CSMD1: variants seen among roughly 807,000 people sequenced by gnomAD.
The protein encoded by CSMD1 is CUB and sushi domain-containing protein 1.
In CSMD1, 213 loss-of-function variants were observed where a neutral mutation model predicts 417.5. The observed-to-expected ratio is 0.51, with a 90% confidence interval of 0.46 to 0.57. CSMD1 has a LOEUF of 0.57. Among genes scored for constraint, CSMD1 ranks in the 20% least tolerant of loss-of-function variants. The probability of loss-of-function intolerance (pLI) is 0.00; values close to 1 mark genes in which losing one functional copy is unlikely to be tolerated. For missense variants in CSMD1, 6,923 were observed against 4,529.7 expected, an observed-to-expected ratio of 1.53 and a Z score of -15.17; for synonymous variants, 2,862 against 1,736.8, an observed-to-expected ratio of 1.65 and a Z score of -16.11.
At chr8:4,173,615 G>C (rs1305980533) in intron 3 of CSMD1, among the ~76,000 whole-genome samples, 2 of 152,072 alleles carry the variant, frequency 1.3e-5, no homozygotes, top group South Asian at 2.1e-4. Context: ...TAGATACATA[G>C]CTTTGTGGAA....
Position 4,639,251 on chromosome 8 carries a change from A to ATTTT in CSMD1, c.86-1697_86-1694dup, listed in dbSNP as rs34704649. ...GCTAATTTGGTCCCTGTGGTTGTCA[A>ATTTT]TTTTTTTTTTTTTTTTTTGGTCTGT... On this transcript the variant is annotated intron_variant, in intron 1 of 69. Coordinates refer to ENST00000635120, the MANE Select transcript of CSMD1 (RefSeq NM_033225.6). Among the ~76,000 whole-genome samples the ATTTT allele has an allele frequency of 9.7e-3, 1,269 of 131,382 alleles. 24 individuals carry two copies. Among genetic ancestry groups the ATTTT allele is most frequent in the Non-Finnish European group, 0.015 (935 of 63,280 alleles). 86.2% of individuals were successfully genotyped at this position (131,382 alleles called of 152,430 possible).
intron 3 of CSMD1, among the ~76,000 whole-genome samples, chr8:4,370,102 A>T (rs906733411): frequency 1.3e-5 from 2 of 151,716 alleles, no homozygotes; most frequent in Admixed American, 1.3e-4. Flanking sequence ...TTCCATATTT[A>T]GCATGCCTTT....
At chr8:3,968,628 G>T (rs1391268358) in intron 5 of CSMD1, among the ~76,000 whole-genome samples, 1 of 152,118 alleles carries the variant, frequency 6.6e-6, no homozygotes, top group African/African-American at 2.4e-5. Context: ...TCTCTACATA[G>T]AACACAGTCT....
At chr8:3,346,759 A>G (rs1359128427) in intron 22 of CSMD1, among the ~76,000 whole-genome samples, 1 of 152,220 alleles carries the variant, frequency 6.6e-6, no homozygotes, top group African/African-American at 2.4e-5. Flanking sequence ...CTTTCTGCAT[A>G]TTCTCTTAGA....
intron 26 of CSMD1, among the ~76,000 whole-genome samples, chr8:3,253,310 T>A (rs780190500): frequency 1.2e-4 from 18 of 152,218 alleles, no homozygotes; most frequent in Non-Finnish European, 2.4e-4. Context: ...CAGGAGCAGG[T>A]CGTTCAGTTT....
intron 3 of CSMD1, among the ~76,000 whole-genome samples, chr8:4,091,538 A>T (rs529026226): frequency 1.3e-5 from 2 of 152,328 alleles, no homozygotes; most frequent in African/African-American, 2.4e-5. Context: ...GCTGGCACTC[A>T]GCAATGCAAA....
chr8:4,128,149 A>G (rs1802877190), intron 3 of CSMD1, among the ~76,000 whole-genome samples: 1 of 151,894 alleles, frequency 6.6e-6, no homozygotes, highest in Non-Finnish European at 1.5e-5. Context: ...CCACCTCTGG[A>G]GAAAAGTTTG....
intron 12 of CSMD1, among the ~76,000 whole-genome samples, chr8:3,459,927 T>G (rs528590605): frequency 1.3e-4 from 20 of 152,180 alleles, no homozygotes; most frequent in Non-Finnish European, 2.4e-4. Flanking sequence ...TGGCCCATGA[T>G]AATGCTACAA....
At chr8:4,446,011 C>G (rs192140464) in intron 2 of CSMD1, among the ~76,000 whole-genome samples, 202 of 152,232 alleles carry the variant, frequency 1.3e-3, no homozygotes, top group African/African-American at 4.4e-3. Flanking sequence ...AGCACCCTGA[C>G]TCTGTGCCAA....
chr8:4,120,564 C>G (rs1398307514), intron 3 of CSMD1, among the ~76,000 whole-genome samples: 2 of 152,144 alleles, frequency 1.3e-5, no homozygotes, highest in Non-Finnish European at 2.9e-5. Context: ...AACTGGCGAC[C>G]GGGAGGCTTT....
At chr8:3,770,396 G>A (rs898544897) in intron 5 of CSMD1, among the ~76,000 whole-genome samples, 1 of 152,126 alleles carries the variant, frequency 6.6e-6, no homozygotes, top group African/African-American at 2.4e-5. Context: ...AGGCACGGTG[G>A]TGCGTGCCTG....
rs760357021 is a variant in CSMD1, at chr8:3,091,681, C to G, written c.7139-19G>C. 1.9e-5 allele frequency: 31 copies of G among 1,599,456 alleles called. No individual in the cohort carries two copies. The East Asian group carries it at 7.0e-4, about 36-fold the overall frequency. ...GAAGAACCTAAGTGAAACAGAAAAACAAAAACATTCAGAGATGAGTGAGCA... is the reference window on the plus strand; with the variant it reads ...GAAGAACCTAAGTGAAACAGAAAAAGAAAAACATTCAGAGATGAGTGAGCA... On this transcript the variant is annotated intron_variant, in intron 47 of 69. Coordinates refer to ENST00000635120, the MANE Select transcript of CSMD1 (RefSeq NM_033225.6).
chr8:4,391,069 T>C (rs1803818100), intron 3 of CSMD1, among the ~76,000 whole-genome samples: 1 of 152,198 alleles, frequency 6.6e-6, no homozygotes, highest in South Asian at 2.1e-4. Context: ...CTAGGGTCGT[T>C]GTCTAGATCC....
chr8:3,418,427 G>A (rs1483771113), intron 12 of CSMD1, among the ~76,000 whole-genome samples: 1 of 152,272 alleles, frequency 6.6e-6, no homozygotes, highest in East Asian at 1.9e-4. Flanking sequence ...CTAAGAGACT[G>A]GATGTCAGAG....
chr8:3,714,561 C>CAAAAACAAAAAAA, intron 6 of CSMD1, among the ~76,000 whole-genome samples: 1 of 70,554 alleles, frequency 1.4e-5, no homozygotes. Context: ...ATCTCTATCC[C>CAAAAACAAAAAAA]AAAAAAAAAA....
At position 3,707,881 on chromosome 8, in the gene CSMD1, G is replaced by C. The variant is rs544358870; in HGVS notation, c.1009+533C>G. Among the ~76,000 whole-genome samples the C allele has an allele frequency of 4.5e-4, 68 of 152,286 alleles. 1 individual carries two copies. In the South Asian group the frequency reaches 6.8e-3, roughly 15 times the overall value. ...GGGAGACACCTTCATTCCTCCCACA[G>C]CTATTGATCTGGTATCTACCAGGTC... On this transcript the variant is annotated intron_variant, in intron 7 of 69. Transcript: ENST00000635120.
intron 1 of CSMD1, among the ~76,000 whole-genome samples, chr8:4,879,902 C>G (rs972598598): frequency 6.6e-6 from 1 of 152,064 alleles, no homozygotes; most frequent in Non-Finnish European, 1.5e-5. Context: ...TCTTACAAGT[C>G]TGGATTTTAT....
At chr8:3,935,245 G>A (rs1297722472) in intron 5 of CSMD1, among the ~76,000 whole-genome samples, 1 of 152,176 alleles carries the variant, frequency 6.6e-6, no homozygotes, top group Non-Finnish European at 1.5e-5. Flanking sequence ...AAATGTAGAA[G>A]AACAGAATCA....
intron 6 of CSMD1, among the ~76,000 whole-genome samples, chr8:3,753,638 G>C (rs1797483412): frequency 6.6e-6 from 1 of 152,176 alleles, no homozygotes; most frequent in South Asian, 2.1e-4. Context: ...GATATTTACA[G>C]ATTAGATGCA....
Sources: allele counts gnomAD v4.1 joint callset (sites outside exome capture counted in the v4.1 genomes callset), GRCh38; gene constraint gnomAD v4.1.1; transcripts MANE v1.5; gene names NCBI Gene and HGNC (gene_info 2026-07-23, HGNC 2026-07-21).